Variants in ARMC8 observed in about 807,000 individuals in gnomAD.
ARMC8 encodes the protein armadillo repeat containing 8.
In ARMC8, 20 loss-of-function variants were observed where a neutral mutation model predicts 99.3. The observed-to-expected ratio is 0.20, with a 90% CI of 0.14 to 0.29. The LOEUF (loss-of-function observed/expected upper bound fraction) is 0.29, where lower values mean the gene tolerates loss of function less well. ARMC8 is among the 10% of genes least tolerant of loss of function. The pLI is 1.00. For missense variants in ARMC8, 569 were observed against 809.5 expected (o/e 0.70, Z 3.60); for synonymous variants, 263 against 278.3 (o/e 0.95, Z 0.55).
Position 138,281,581 on chromosome 3 carries a change from G to A in ARMC8, c.1726-2850G>A, listed in dbSNP as rs142571783. 7.2e-5 allele frequency among the ~76,000 whole-genome samples: 11 copies of A among 152,202 alleles called. 1 individual carries two copies. The highest frequency in any genetic ancestry group is 1.6e-4 in the Non-Finnish European group (11 of 68,006). On this transcript the variant is annotated intron_variant, in intron 18 of 21. Transcript: ENST00000469044. Reference sequence around the variant, plus strand: ...GCTGGGGTTACAGGTGTGAGCCACCGCCCCGGCCTAATTGATTTCTTTAAG... The same window carrying A: ...GCTGGGGTTACAGGTGTGAGCCACCACCCCGGCCTAATTGATTTCTTTAAG...
At chr3:138,271,790 T>C (rs951862776) in intron 16 of ARMC8, among the ~76,000 whole-genome samples, 7 of 149,934 alleles carry the variant, frequency 4.7e-5, no homozygotes, top group Non-Finnish European at 7.4e-5. Flanking sequence ...AAGATTTTTT[T>C]TTTCTTTCTT....
chr3:138,266,217 C>T (rs1252929814), intron 14 of ARMC8, among the ~76,000 whole-genome samples: 1 of 152,182 alleles, frequency 6.6e-6, no homozygotes, highest in East Asian at 1.9e-4. Flanking sequence ...ACTCCTCATT[C>T]TCTGAGATCC....
chr3:138,195,591 A>T (rs1049084309), intron 1 of ARMC8, among the ~76,000 whole-genome samples: 11 of 152,184 alleles, frequency 7.2e-5, no homozygotes, highest in Non-Finnish European at 1.3e-4. Flanking sequence ...GCAGACAGGA[A>T]TGTCAGTGAT....
At chr3:138,289,798 A>G (rs1261297310) in intron 20 of ARMC8, among the ~76,000 whole-genome samples, 2 of 152,130 alleles carry the variant, frequency 1.3e-5, no homozygotes, top group Non-Finnish European at 2.9e-5. Context: ...CACCTGGGGA[A>G]GTTTTTAAAG....
At chr3:138,295,761 C>T (rs2051430194) in intron 21 of ARMC8, 98 bp from the exon 22 acceptor site, 3 of 1,417,736 alleles carry the variant, frequency 2.1e-6, no homozygotes, top group African/African-American at 1.4e-5. Context: ...TGGAGATTTA[C>T]TTTTTTAGAC....
intron 21 of ARMC8, among the ~76,000 whole-genome samples, chr3:138,295,231 C>G (rs1157358948): frequency 6.6e-6 from 1 of 152,094 alleles, no homozygotes; most frequent in Non-Finnish European, 1.5e-5. Flanking sequence ...ACCTGGCCAC[C>G]TTCTTCCCCC....
At chr3:138,228,471 A>C (rs2045809754) in intron 5 of ARMC8, among the ~76,000 whole-genome samples, 1 of 152,224 alleles carries the variant, frequency 6.6e-6, no homozygotes, top group Non-Finnish European at 1.5e-5. Flanking sequence ...TACAGTCTTT[A>C]TGAGAGATTG....
intron 18 of ARMC8, among the ~76,000 whole-genome samples, chr3:138,282,934 C>T (rs1330254774): frequency 6.6e-6 from 1 of 152,192 alleles, no homozygotes; most frequent in Non-Finnish European, 1.5e-5. Context: ...AAATTTAAGA[C>T]AGTTTCACCA....
chr3:138,246,819 G>A, intron 12 of ARMC8: 1 of 973,390 alleles, frequency 1.0e-6, no homozygotes, highest in Non-Finnish European at 1.2e-6. Context: ...ATAATTTCCT[G>A]GTAAGGCTAA....
At chr3:138,236,813 G>T (rs1400732825) in intron 7 of ARMC8, among the ~76,000 whole-genome samples, 1 of 152,030 alleles carries the variant, frequency 6.6e-6, no homozygotes, top group African/African-American at 2.4e-5. Context: ...TGGGCCCTTG[G>T]TATTATCCCA....
intron 6 of ARMC8, among the ~76,000 whole-genome samples, chr3:138,234,410 G>GACCCA (rs1424078506): frequency 6.6e-6 from 1 of 152,082 alleles, no homozygotes; most frequent in Non-Finnish European, 1.5e-5. Context: ...GCGCCTGGCT[G>GACCCA]AACCAATACT....
At chr3:138,276,506 G>A (rs1406846877) in intron 18 of ARMC8, among the ~76,000 whole-genome samples, 1 of 152,102 alleles carries the variant, frequency 6.6e-6, no homozygotes, top group Non-Finnish European at 1.5e-5. Context: ...TATACAGATT[G>A]GAAAGGACAG....
At chr3:138,283,626 C>G (rs1394633103) in intron 18 of ARMC8, among the ~76,000 whole-genome samples, 1 of 152,166 alleles carries the variant, frequency 6.6e-6, no homozygotes, top group Admixed American at 6.5e-5. Context: ...CTAAGCTTGG[C>G]ACTGTTGGTA....
intron 1 of ARMC8, among the ~76,000 whole-genome samples, chr3:138,198,813 T>C (rs2043888036): frequency 6.6e-6 from 1 of 152,052 alleles, no homozygotes; most frequent in Non-Finnish European, 1.5e-5. Flanking sequence ...CGCCCGGCCA[T>C]ATAGCCTTAT....
rs1018118554 is a variant in ARMC8 at position 138,235,106 on chromosome 3, T to G, written c.601T>G (p.Ser201Ala). The G allele has an allele frequency of 2.5e-6, 4 of 1,612,394 alleles. No homozygotes were observed. The highest frequency in any genetic ancestry group is 1.1e-5 in the South Asian group (1 of 90,882). ...TATTGCTCACCTACTAACCTCACTG[T>G]CCTACAAAGTAAGATGTTAAAAATT... ...QNIAHLLTSL[S>A]YKVRMQALKC... The change falls in exon 7 of 22, where the codon TCC becomes GCC. Residue 201 changes from serine (S) to alanine (A), a missense_variant. This residue lies in a region of ARMC8 where 342 missense variants were observed against 391.6 expected (regional missense o/e 0.87). Coordinates refer to ENST00000469044, the MANE Select transcript of ARMC8 (RefSeq NM_001363941.2).
chr3:138,286,087 G>T (rs2050380132), intron 19 of ARMC8, among the ~76,000 whole-genome samples: 2 of 152,090 alleles, frequency 1.3e-5, no homozygotes, highest in Non-Finnish European at 2.9e-5. Context: ...GGGATTACAG[G>T]CGCGGCACTA....
At chr3:138,204,360 C>T (rs1425715900) in intron 1 of ARMC8, among the ~76,000 whole-genome samples, 1 of 152,222 alleles carries the variant, frequency 6.6e-6, no homozygotes, top group African/African-American at 2.4e-5. Flanking sequence ...TCTCCCTTCT[C>T]ATGCAGCATC....
At chr3:138,269,790 A>C (rs2048605954) in intron 15 of ARMC8, among the ~76,000 whole-genome samples, 1 of 150,984 alleles carries the variant, frequency 6.6e-6, no homozygotes. Context: ...ATAAAAGGAA[A>C]TGACAGAGTG....
intron 2 of ARMC8, among the ~76,000 whole-genome samples, chr3:138,214,906 A>G (rs915373990): frequency 6.6e-6 from 1 of 152,060 alleles, no homozygotes; most frequent in Non-Finnish European, 1.5e-5. Flanking sequence ...TGATCCTCCC[A>G]CCTTGGCCTC....
Sources: allele counts gnomAD v4.1 joint callset (sites outside exome capture counted in the v4.1 genomes callset), GRCh38; gene constraint gnomAD v4.1.1; regional missense constraint gnomAD v4.1.1; transcripts MANE v1.5; gene names NCBI Gene and HGNC (gene_info 2026-07-23, HGNC 2026-07-21).